HPS5: variants seen among roughly 807,000 people sequenced by gnomAD.
HPS5 encodes the protein BLOC-2 complex member HPS5.
In HPS5, 83 loss-of-function variants were observed where a neutral mutation model predicts 128.0. The ratio of observed to expected loss-of-function variants is 0.65; its 90% CI spans 0.54 to 0.78. The LOEUF is 0.78. HPS5 is among the 30% of genes least tolerant of loss of function. The probability of loss-of-function intolerance (pLI) is 0.00; values close to 1 mark genes in which losing one functional copy is unlikely to be tolerated. For synonymous variants in HPS5, 475 were observed against 470.2 expected (o/e 1.01, Z -0.13); for missense variants, 1,281 against 1,326.2 (o/e 0.97, Z 0.53).
rs776484868 is a variant in HPS5, at chr11:18,279,787, G to T, written c.*95C>A. ...AATAAGATGGCAGGATTTGGGGGTG[G>T]TGTCTTTCCTTCAATAACAAATGCG... On this transcript the variant is annotated 3_prime_UTR_variant, in exon 23 of 23. Transcript: ENST00000349215. 53 of 1,196,298 alleles carry T rather than the reference G, an allele frequency of 4.4e-5. No homozygotes were observed. The African/African-American group carries it at 6.6e-4, about 15-fold the overall frequency. 74.1% of individuals were successfully genotyped at this position (1,196,298 alleles called of 1,614,324 possible). A position where few individuals can be genotyped will look rare whatever the true frequency, so the allele number is the denominator to read the frequency against.
At chr11:18,303,868 A>AAAACT (rs1266781342) in intron 8 of HPS5, among the ~76,000 whole-genome samples, 1 of 151,976 alleles carries the variant, frequency 6.6e-6, no homozygotes, top group Non-Finnish European at 1.5e-5. Flanking sequence ...AAAAAAAAAA[A>AAAACT]AAACTTGGGT....
chr11:18,319,883 G>A (rs150152706), intron 1 of HPS5, among the ~76,000 whole-genome samples: 124 of 152,234 alleles, frequency 8.1e-4, no homozygotes, highest in African/African-American at 2.0e-3. Flanking sequence ...AGTCTAGAAC[G>A]AAAGGGACTG....
intron 8 of HPS5, among the ~76,000 whole-genome samples, chr11:18,302,486 G>GCA (rs1861812819): frequency 6.6e-6 from 1 of 152,002 alleles, no homozygotes; most frequent in Non-Finnish European, 1.5e-5. Flanking sequence ...ATCATCTACT[G>GCA]CACTGTCACA....
At chr11:18,281,833 A>G (rs1859005687) in intron 22 of HPS5, 117 bp downstream of exon 22, 10 of 1,143,518 alleles carry the variant, frequency 8.7e-6, no homozygotes, top group Middle Eastern at 2.0e-4. Flanking sequence ...CATCAGTCTC[A>G]GTCTCCTCAT....
rs182211945 is a variant in HPS5 at position 18,292,094 on chromosome 11, T to G, written c.1863-75A>C. On this transcript the variant is annotated intron_variant, in intron 15 of 22. Transcript: ENST00000349215. ...AAACAAATTAATTCATGCTAATAAA[T>G]TAACCTAACCAATGTAACATACTCA... is the stretch of plus-strand genomic sequence containing the variant. 121 of 1,150,916 alleles carry G rather than the reference T, an allele frequency of 1.1e-4. No homozygotes were observed. The African/African-American group carries it at 1.6e-3, about 15-fold the overall frequency. The allele number at this position is 1,150,916 out of a possible 1,614,324, so 71.3% of individuals were successfully genotyped here.
chr11:18,316,817 C>T (rs1329437180), intron 2 of HPS5, among the ~76,000 whole-genome samples: 2 of 152,234 alleles, frequency 1.3e-5, no homozygotes, highest in African/African-American at 4.8e-5. Flanking sequence ...ATTGGCTATA[C>T]ACTTTTGAAC....
intron 2 of HPS5, among the ~76,000 whole-genome samples, chr11:18,316,444 C>A (rs1863639437): frequency 6.6e-6 from 1 of 152,048 alleles, no homozygotes; most frequent in African/African-American, 2.4e-5. Context: ...TCATTTATAC[C>A]ATTTTATTTT....
rs1413792712 is a variant in HPS5 at position 18,311,813 on chromosome 11, G to C, written c.219+101C>G. The C allele has an allele frequency of 4.2e-6, 4 of 960,264 alleles. No homozygotes were observed. The East Asian group carries it at 9.7e-5, about 23-fold the overall frequency. 59.5% of individuals were successfully genotyped at this position (960,264 alleles called of 1,614,324 possible). A position where few individuals can be genotyped will look rare whatever the true frequency, so the allele number is the denominator to read the frequency against. ...GGCGTGAGACACCGCACCAAGCCAA[G>C]TTCTACATTCTTTTATTCCAAATGA... On this transcript the variant is annotated intron_variant, in intron 3 of 22. Coordinates refer to ENST00000349215, the MANE Select transcript of HPS5 (RefSeq NM_181507.2).
At chr11:18,287,423 T>C in intron 18 of HPS5, 112 bp downstream of exon 18, 1 of 1,173,388 alleles carries the variant, frequency 8.5e-7, no homozygotes, top group African/African-American at 1.5e-5. Flanking sequence ...TTCCATAGTA[T>C]GTGCCTCAAC....
In HPS5 at chr11:18,278,827, A is replaced by C. The variant is rs1858528337; in HGVS notation, c.*1055T>G. The stretch of plus-strand genomic sequence containing the variant: ...CTATGTAAATGTACAGGAGCCTGAC[A>C]AATGACAATCTACTTACATAATTTA... On this transcript the variant is annotated 3_prime_UTR_variant, in exon 23 of 23. Coordinates refer to ENST00000349215, the MANE Select transcript of HPS5 (RefSeq NM_181507.2). 1 of 152,622 alleles carries C rather than the reference A, an allele frequency of 6.6e-6. No individual in the cohort carries two copies. The highest frequency in any genetic ancestry group is 1.5e-5 in the Non-Finnish European group (1 of 68,044). The allele number at this position is 152,622 out of a possible 1,614,324, so 9.5% of individuals were successfully genotyped here.
upstream of HPS5, chr11:18,322,168 C>G (rs143303017): frequency 2.0e-5 from 3 of 152,360 alleles, no homozygotes; most frequent in Admixed American, 6.5e-5. Flanking sequence ...TTCAGTCTCC[C>G]CTCGCGTTCC....
At chr11:18,293,495 T>C (rs1273841246) in intron 14 of HPS5, among the ~76,000 whole-genome samples, 1 of 152,176 alleles carries the variant, frequency 6.6e-6, no homozygotes, top group Non-Finnish European at 1.5e-5. Flanking sequence ...TAACGGCAAG[T>C]ATTATACTCA....
chr11:18,287,526 CCTT>C lies in HPS5; in HGVS notation c.2717+6_2717+8del, dbSNP rs1859891745. On this transcript the variant is annotated splice_donor_region_variant and intron_variant, in intron 18 of 22. Coordinates refer to ENST00000349215, the MANE Select transcript of HPS5 (RefSeq NM_181507.2). ...AAAGGAGAGTCTGCAAATATGCTCT[CCTT>C]CTCACCGCTGATCTTCAGGCCTTGA... is the stretch of plus-strand genomic sequence containing the variant. 6.8e-6 allele frequency: 11 copies of C among 1,613,942 alleles called. No individual in the cohort carries two copies. The highest frequency in any genetic ancestry group is 9.3e-6 in the Non-Finnish European group (11 of 1,179,948).
At chr11:18,297,738 T>G in intron 10 of HPS5, 21 bp from the exon 11 acceptor site, 1 of 1,608,506 alleles carries the variant, frequency 6.2e-7, no homozygotes, top group Non-Finnish European at 8.5e-7. Context: ...AACAGCGCAA[T>G]GGAATAGCTA....
In HPS5 at chr11:18,309,217, G is replaced by A. The variant is rs1259522159; in HGVS notation, c.478-138C>T. 3.7e-6 allele frequency: 3 copies of A among 807,966 alleles called. No individual in the cohort carries two copies. The African/African-American group carries it at 5.2e-5, about 14-fold the overall frequency. The allele number at this position is 807,966 out of a possible 1,614,324, so 50.0% of individuals were successfully genotyped here. ...AAATAAGCCAAAACTTAATTTGCTT[G>A]TAAGGATATCAAAGTTTTAGTCACT... On this transcript the variant is annotated intron_variant, in intron 5 of 22. Transcript: ENST00000349215.
At chr11:18,299,784 T>C (rs1323249729) in intron 9 of HPS5, among the ~76,000 whole-genome samples, 1 of 152,244 alleles carries the variant, frequency 6.6e-6, no homozygotes, top group Non-Finnish European at 1.5e-5. Context: ...AACCTGTTTG[T>C]TCCTTTTCAG....
intron 4 of HPS5, 56 bp from the exon 5 acceptor site, chr11:18,310,989 T>C (rs781560323): frequency 3.0e-6 from 4 of 1,315,654 alleles, no homozygotes; most frequent in Non-Finnish European, 4.4e-6. Context: ...GGTACAATTT[T>C]GTTGCATCAC....
In HPS5 at chr11:18,308,250, T is replaced by C. The variant is rs558448142; in HGVS notation, c.611+696A>G. 7.2e-5 allele frequency among the ~76,000 whole-genome samples: 11 copies of C among 152,364 alleles called. No homozygotes were observed. In the South Asian group the frequency reaches 2.3e-3, roughly 32 times the overall value. Reference sequence around the variant, plus strand: ...CCTTGAGATTTTGATGAAATACTTATCTTCATAAAGCTCTTAATTATTTTT... The same window carrying C: ...CCTTGAGATTTTGATGAAATACTTACCTTCATAAAGCTCTTAATTATTTTT... On this transcript the variant is annotated intron_variant, in intron 6 of 22. Transcript: ENST00000349215.
At chr11:18,311,821 T>C (rs1259015948) in intron 3 of HPS5, 93 bp downstream of exon 3, 1 of 994,752 alleles carries the variant, frequency 1.0e-6, no homozygotes, top group Non-Finnish European at 1.6e-6. Flanking sequence ...AAGTTCTACA[T>C]TCTTTTATTC....
Sources: gnomAD v4.1 joint callset for allele counts (sites outside exome capture counted in the v4.1 genomes callset) on GRCh38, gnomAD v4.1.1 for gene constraint, MANE v1.5 for transcripts, NCBI Gene and HGNC (gene_info 2026-07-23, HGNC 2026-07-21) for gene names.